KCNT2: variants seen among roughly 807,000 people sequenced by gnomAD.
The protein encoded by KCNT2 is potassium channel subfamily T member 2.
A neutral mutation model predicts 153.8 loss-of-function variants in KCNT2; 67 were observed. The observed-to-expected ratio is 0.44, with a 90% CI of 0.36 to 0.53. KCNT2 has a LOEUF of 0.53. Among genes scored for constraint, KCNT2 ranks in the 20% least tolerant of loss-of-function variants. The pLI is 0.00. For synonymous variants in KCNT2, 500 were observed against 458.8 expected (o/e 1.09, Z -1.15); for missense variants, 975 against 1,354.8 (o/e 0.72, Z 4.40).
intron 26 of KCNT2, among the ~76,000 whole-genome samples, chr1:196,237,058 CTAAGAA>C (rs1229201311): frequency 1.3e-5 from 2 of 151,528 alleles, no homozygotes; most frequent in Non-Finnish European, 3.0e-5. Context: ...GACCCAAAGT[CTAAGAA>C]TAAGTTTCAT....
rs563822892 is a variant in KCNT2 at position 196,490,997 on chromosome 1, T to C, written c.176-1060A>G. ...CATTTGTGAAATTTTTCCAAGGTTT[T>C]CCAATTAAAATGCTGAATACATTTT... On this transcript the variant is annotated intron_variant, in intron 2 of 27. Coordinates refer to ENST00000294725, the MANE Select transcript of KCNT2 (RefSeq NM_198503.5). Among the ~76,000 whole-genome samples, 6 of 152,116 alleles carry C rather than the reference T, an allele frequency of 3.9e-5. No individual in the cohort carries two copies. The East Asian group carries it at 9.6e-4, about 24-fold the overall frequency.
At chr1:196,532,885 G>A (rs1288957554) in intron 1 of KCNT2, among the ~76,000 whole-genome samples, 1 of 151,956 alleles carries the variant, frequency 6.6e-6, no homozygotes, top group Non-Finnish European at 1.5e-5. Flanking sequence ...AGGAGCTCGG[G>A]CTGCTAACTT....
At chr1:196,447,588 G>A (rs929381651) in intron 8 of KCNT2, among the ~76,000 whole-genome samples, 2 of 151,594 alleles carry the variant, frequency 1.3e-5, no homozygotes, top group African/African-American at 4.8e-5. Flanking sequence ...CATAAAAGGA[G>A]TAGTGACAGT....
intron 14 of KCNT2, among the ~76,000 whole-genome samples, chr1:196,350,753 G>C (rs1666604421): frequency 6.6e-6 from 1 of 152,114 alleles, no homozygotes; most frequent in East Asian, 1.9e-4. Context: ...ACTGCTTTTG[G>C]TGTTTTAGAC....
chr1:196,358,508 A>T (rs1010888259), intron 14 of KCNT2, among the ~76,000 whole-genome samples: 5 of 151,920 alleles, frequency 3.3e-5, no homozygotes, highest in Admixed American at 2.6e-4. Flanking sequence ...ATTCCTTTGA[A>T]TAATCATCAC....
At chr1:196,514,462 T>C (rs1681890172) in intron 1 of KCNT2, among the ~76,000 whole-genome samples, 2 of 152,216 alleles carry the variant, frequency 1.3e-5, no homozygotes, top group Admixed American at 1.3e-4. Flanking sequence ...AGTATCACTA[T>C]GTTCTTCTAT....
intron 19 of KCNT2, among the ~76,000 whole-genome samples, chr1:196,323,372 C>T (rs1035193908): frequency 1.3e-5 from 2 of 151,808 alleles, no homozygotes; most frequent in Admixed American, 1.3e-4. Context: ...TTTTGACTTG[C>T]TTTTCTATCT....
chr1:196,401,622 A>G (rs1287790675), intron 12 of KCNT2, among the ~76,000 whole-genome samples: 2 of 151,706 alleles, frequency 1.3e-5, no homozygotes, highest in Non-Finnish European at 1.5e-5. Flanking sequence ...AACATAGATC[A>G]ATAGAATTTA....
intron 21 of KCNT2, among the ~76,000 whole-genome samples, chr1:196,310,497 T>A (rs928345516): frequency 6.6e-6 from 1 of 151,862 alleles, no homozygotes; most frequent in Non-Finnish European, 1.5e-5. Context: ...TTAAAAGTGG[T>A]TTTCACTATA....
intron 1 of KCNT2, among the ~76,000 whole-genome samples, chr1:196,504,226 C>A (rs1680933730): frequency 1.7e-5 from 2 of 116,070 alleles, no homozygotes; most frequent in East Asian, 3.1e-4. Flanking sequence ...TAATGCTATC[C>A]CTCCCCCCTC....
At chr1:196,436,389 A>G (rs1674656677) in intron 8 of KCNT2, among the ~76,000 whole-genome samples, 1 of 151,580 alleles carries the variant, frequency 6.6e-6, no homozygotes, top group Non-Finnish European at 1.5e-5. Flanking sequence ...GGACAGGTAG[A>G]TACACAGACA....
chr1:196,275,665 T>G (rs1257241246), intron 25 of KCNT2, among the ~76,000 whole-genome samples: 1 of 151,852 alleles, frequency 6.6e-6, no homozygotes, highest in East Asian at 1.9e-4. Flanking sequence ...GGCTGGAAAA[T>G]GATGTGGCAT....
chr1:196,577,503 T>A (rs1661506466), intron 1 of KCNT2, among the ~76,000 whole-genome samples: 1 of 152,144 alleles, frequency 6.6e-6, no homozygotes, highest in African/African-American at 2.4e-5. Flanking sequence ...GCGGCACAGA[T>A]AATAGATTCC....
intron 8 of KCNT2, among the ~76,000 whole-genome samples, chr1:196,454,267 T>C (rs142219404): frequency 3.6e-4 from 55 of 152,080 alleles, no homozygotes; most frequent in East Asian, 7.8e-4. Flanking sequence ...TGCAGATTTA[T>C]GACATAGATA....
intron 12 of KCNT2, among the ~76,000 whole-genome samples, chr1:196,411,446 TAAAA>T (rs35196093): frequency 1.0e-5 from 1 of 96,316 alleles, no homozygotes; most frequent in African/African-American, 3.7e-5. Flanking sequence ...CTATTCCAGT[TAAAA>T]AAAAAAAAAA....
rs982426290 is a variant in KCNT2, at chr1:196,455,771, A to G, written c.638+9522T>C. On this transcript the variant is annotated intron_variant, in intron 8 of 27. Coordinates refer to ENST00000294725, the MANE Select transcript of KCNT2 (RefSeq NM_198503.5). The stretch of plus-strand genomic sequence containing the variant: ...TGTTGAGCAAGTGGTGGCAATTCTC[A>G]GGAAAGCAGAGGCGTCTTTGCTCCT... Among the ~76,000 whole-genome samples the G allele has an allele frequency of 3.9e-5, 6 of 151,964 alleles. No homozygotes were observed. In the South Asian group the frequency reaches 1.2e-3, roughly 31 times the overall value.
At chr1:196,263,598 C>T (rs1248643713) in intron 25 of KCNT2, among the ~76,000 whole-genome samples, 1 of 152,004 alleles carries the variant, frequency 6.6e-6, no homozygotes, top group Non-Finnish European at 1.5e-5. Context: ...AAAACATACT[C>T]GGAGTAGGTA....
chr1:196,296,779 A>T (rs572647464), intron 22 of KCNT2, among the ~76,000 whole-genome samples: 1 of 152,074 alleles, frequency 6.6e-6, no homozygotes, highest in Admixed American at 6.6e-5. Context: ...AAGGGTTCCT[A>T]TTTCAGTTCT....
intron 1 of KCNT2, among the ~76,000 whole-genome samples, chr1:196,562,927 C>T (rs760188455): frequency 3.2e-4 from 49 of 152,006 alleles, no homozygotes; most frequent in Non-Finnish European, 6.0e-4. Context: ...TTGCTTTAAA[C>T]TCATCCTAGT....
Sources: gnomAD v4.1 joint callset for allele counts (sites outside exome capture counted in the v4.1 genomes callset) on GRCh38, gnomAD v4.1.1 for gene constraint, MANE v1.5 for transcripts, NCBI Gene and HGNC (gene_info 2026-07-23, HGNC 2026-07-21) for gene names.